Variants in PARL observed in about 807,000 individuals in gnomAD.
PARL encodes the protein presenilin-associated rhomboid-like protein, mitochondrial.
In PARL, 44 loss-of-function variants were observed where a neutral mutation model predicts 51.6. The ratio of observed to expected loss-of-function variants is 0.85; its 90% CI spans 0.67 to 1.10. The LOEUF (loss-of-function observed/expected upper bound fraction) is 1.10, where lower values mean the gene tolerates loss of function less well. Ranked by LOEUF, PARL falls within the 50% of genes least tolerant of loss-of-function variation. PARL has a pLI of 0.00. For missense variants in PARL, 441 were observed against 469.5 expected (o/e 0.94, Z 0.56); for synonymous variants, 172 against 164.0 (o/e 1.05, Z -0.37).
At chr3:183,857,501 A>G (rs1731306029) in intron 4 of PARL, among the ~76,000 whole-genome samples, 1 of 152,242 alleles carries the variant, frequency 6.6e-6, no homozygotes, top group Admixed American at 6.5e-5. Context: ...AAGAGTATGT[A>G]CTGCATGTTT....
intron 4 of PARL, among the ~76,000 whole-genome samples, chr3:183,859,360 CAG>C (rs1731540750): frequency 6.6e-6 from 1 of 152,144 alleles, no homozygotes. Flanking sequence ...TGTTTTGAGA[CAG>C]AGTCTCACTC....
chr3:183,860,797 A>G (rs1478348363), intron 4 of PARL, among the ~76,000 whole-genome samples: 1 of 150,418 alleles, frequency 6.6e-6, no homozygotes, highest in African/African-American at 2.4e-5. Flanking sequence ...CACCCTAAAG[A>G]AATCTTAATT....
chr3:183,856,827 A>T (rs569400872), intron 4 of PARL, among the ~76,000 whole-genome samples: 43 of 152,354 alleles, frequency 2.8e-4, no homozygotes, highest in Non-Finnish European at 5.7e-4. Flanking sequence ...AAAATGGTAC[A>T]CAACTTCTTT....
intron 1 of PARL, among the ~76,000 whole-genome samples, chr3:183,874,812 C>T (rs1315230869): frequency 6.6e-6 from 1 of 152,234 alleles, no homozygotes; most frequent in Non-Finnish European, 1.5e-5. Flanking sequence ...TGGCTCACAG[C>T]TGTAACCCCA....
At chr3:183,826,631 A>G (rs942857673), downstream of PARL, 1 of 985,288 alleles carries the variant, frequency 1.0e-6, no homozygotes, top group African/African-American at 1.7e-5. Context: ...AAGTTGTAGC[A>G]AAGTGACATG....
intron 9 of PARL, among the ~76,000 whole-genome samples, chr3:183,831,707 G>A (rs185780366): frequency 5.3e-4 from 80 of 152,006 alleles, no homozygotes; most frequent in South Asian, 4.4e-3. Context: ...GGATACTAAT[G>A]GAGTCTTTAC....
intron 7 of PARL, among the ~76,000 whole-genome samples, chr3:183,839,589 T>C (rs1371942674): frequency 6.6e-6 from 1 of 152,094 alleles, no homozygotes; most frequent in African/African-American, 2.4e-5. Context: ...TGGCTAATTA[T>C]TGTATTTTCA....
intron 5 of PARL, chr3:183,843,070 G>C (rs1729533959): frequency 1.1e-5 from 3 of 280,524 alleles, no homozygotes; most frequent in Non-Finnish European, 1.6e-5. Context: ...TTTTAGTAGA[G>C]ATGGGGTTTC....
intron 4 of PARL, 160 bp from the exon 5 acceptor site, chr3:183,844,486 TTAA>T: frequency 1.6e-6 from 1 of 634,616 alleles, no homozygotes; most frequent in Non-Finnish European, 2.8e-6. Flanking sequence ...ATGAATGCTT[TTAA>T]AGTATCAGCA....
At chr3:183,843,940 G>A (rs1310109870) in intron 5 of PARL, among the ~76,000 whole-genome samples, 2 of 152,188 alleles carry the variant, frequency 1.3e-5, no homozygotes, top group Non-Finnish European at 2.9e-5. Flanking sequence ...TAGGGAGGCT[G>A]AGGCAGGAGA....
At chr3:183,841,287 C>G (rs572779639) in intron 6 of PARL, among the ~76,000 whole-genome samples, 37 of 152,194 alleles carry the variant, frequency 2.4e-4, no homozygotes, top group Non-Finnish European at 4.4e-4. Context: ...TACAACATAA[C>G]TAGTGCTTGG....
downstream of PARL, among the ~76,000 whole-genome samples, chr3:183,827,177 G>A (rs1727473946): frequency 6.6e-6 from 1 of 152,020 alleles, no homozygotes; most frequent in Non-Finnish European, 1.5e-5. Context: ...ATGGCCGGGT[G>A]CAGATGGCTC....
At chr3:183,865,656 C>T (rs1329934874) in intron 3 of PARL, among the ~76,000 whole-genome samples, 3 of 152,054 alleles carry the variant, frequency 2.0e-5, no homozygotes, top group South Asian at 4.1e-4. Context: ...AACCATCTGC[C>T]CCCCTGCAAC....
intron 4 of PARL, among the ~76,000 whole-genome samples, chr3:183,850,835 T>C (rs1577324889): frequency 1.3e-5 from 2 of 152,168 alleles, no homozygotes; most frequent in South Asian, 2.1e-4. Context: ...GTTCAACATA[T>C]GAAAAATCAA....
chr3:183,867,422 C>T (rs796824782), intron 2 of PARL, among the ~76,000 whole-genome samples: 12 of 151,902 alleles, frequency 7.9e-5, no homozygotes, highest in African/African-American at 2.7e-4. Context: ...GACTCTAGGC[C>T]GGGCGCAGTG....
intron 9 of PARL, among the ~76,000 whole-genome samples, chr3:183,830,896 C>A (rs989826246): frequency 1.3e-5 from 2 of 152,134 alleles, no homozygotes; most frequent in African/African-American, 4.8e-5. Flanking sequence ...AAAAGGAGCA[C>A]CCTAATATTC....
chr3:183,827,075 T>G (rs1431866880), downstream of PARL, among the ~76,000 whole-genome samples: 2 of 150,342 alleles, frequency 1.3e-5, no homozygotes, highest in South Asian at 2.1e-4. Flanking sequence ...TTGGGCCAGG[T>G]GGGAATGTAG....
chr3:183,843,486 G>A (rs1376454967), intron 5 of PARL: 1 of 152,976 alleles, frequency 6.5e-6, no homozygotes, highest in East Asian at 1.9e-4. Flanking sequence ...CTGCACTCTA[G>A]CCTGGGCAAC....
chr3:183,830,709 A>G (rs563975859), intron 9 of PARL, among the ~76,000 whole-genome samples: 10 of 152,300 alleles, frequency 6.6e-5, no homozygotes, highest in Admixed American at 2.6e-4. Flanking sequence ...AGAGCAGTTT[A>G]ATGTTTTAAT....
Sources: allele counts gnomAD v4.1 joint callset (sites outside exome capture counted in the v4.1 genomes callset), GRCh38; gene constraint gnomAD v4.1.1; transcripts MANE v1.5; gene names NCBI Gene and HGNC (gene_info 2026-07-23, HGNC 2026-07-21).